MAST4: variants seen among roughly 807,000 people sequenced by gnomAD.
The protein encoded by MAST4 is microtubule associated serine/threonine kinase family member 4.
A neutral mutation model predicts 162.7 loss-of-function variants in MAST4; 89 were observed. That is an observed-to-expected ratio of 0.55 (90% CI 0.46 to 0.65). MAST4 has a LOEUF of 0.65. MAST4 is among the 30% of genes least tolerant of loss of function. MAST4 has a pLI of 0.00. For missense variants in MAST4, 3,153 were observed against 3,374.0 expected (o/e 0.93, Z 1.62); for synonymous variants, 1,479 against 1,361.1 (o/e 1.09, Z -1.91).
chr5:67,032,727 A>T (rs10471697), intron 4 of MAST4, among the ~76,000 whole-genome samples: 39,559 of 152,036 alleles, frequency 0.26, 5,647 homozygotes, highest in African/African-American at 0.35. Context: ...TATTTACCAT[A>T]GACTTTTAGG....
In MAST4 at chr5:67,017,201, C is replaced by A. The variant is rs142586591; in HGVS notation, c.675-37203C>A. Among the ~76,000 whole-genome samples the A allele has an allele frequency of 2.3e-4, 35 of 152,300 alleles. No homozygotes were observed. In the East Asian group the frequency reaches 6.6e-3, roughly 29 times the overall value. On this transcript the variant is annotated intron_variant, in intron 4 of 28. Transcript: ENST00000403625. ...CACACAAAGGACACAAATATTGTGT[C>A]CAGAATTCTCTAAACCACACACACA...
chr5:66,943,223 C>T (rs1449898735), intron 4 of MAST4, among the ~76,000 whole-genome samples: 1 of 152,242 alleles, frequency 6.6e-6, no homozygotes, highest in South Asian at 2.1e-4. Flanking sequence ...GTCTTAATTT[C>T]ATTACCGGTG....
chr5:67,152,278 T>G (rs1268744595), intron 24 of MAST4, among the ~76,000 whole-genome samples: 2 of 152,248 alleles, frequency 1.3e-5, no homozygotes, highest in African/African-American at 4.8e-5. Context: ...GATTTATTTC[T>G]TTACTTAAAA....
chr5:66,596,993 C>T lies in MAST4; in HGVS notation c.338C>T (p.Ala113Val), dbSNP rs756882327. The change falls in exon 1 of 29, where the codon GCG (alanine) becomes GTG (valine). Residue 113 changes from alanine (A) to valine (V), a missense_variant. Coordinates refer to ENST00000403625, the MANE Select transcript of MAST4 (RefSeq NM_001164664.2). ...CCGCCCGCGCCCCGGGGCAGCAGCGCGTCCCAGGAGGAGCAGGACGAGGAG... is the reference window on the plus strand; with the variant it reads ...CCGCCCGCGCCCCGGGGCAGCAGCGTGTCCCAGGAGGAGCAGGACGAGGAG... Reference protein sequence around the residue: ...AVPPAPRGSSASQEEQDEELD... With the variant: ...AVPPAPRGSSVSQEEQDEELD... The T allele has an allele frequency of 7.5e-5, 109 of 1,451,736 alleles. No individual in the cohort carries two copies. Among genetic ancestry groups the T allele is most frequent in the Non-Finnish European group, 9.3e-5 (103 of 1,108,066 alleles). 89.9% of individuals were successfully genotyped at this position (1,451,736 alleles called of 1,614,324 possible).
At chr5:66,803,318 C>T (rs375084584) in intron 3 of MAST4, among the ~76,000 whole-genome samples, 11 of 152,278 alleles carry the variant, frequency 7.2e-5, no homozygotes, top group African/African-American at 2.6e-4. Flanking sequence ...AATAACTAGT[C>T]AAGAAAGTTC....
chr5:67,057,770 A>C (rs934866227), intron 5 of MAST4, among the ~76,000 whole-genome samples: 1 of 152,046 alleles, frequency 6.6e-6, no homozygotes, highest in Non-Finnish European at 1.5e-5. Flanking sequence ...AAAGAAATCA[A>C]AGTATGAAAA....
chr5:67,149,503 G>C lies in MAST4; in HGVS notation c.3209G>C (p.Arg1070Pro). The change falls in exon 24 of 29, where the codon CGA becomes CCA. Residue 1070 changes from arginine (R) to proline (P), a missense_variant. Physicochemically the swap from Arg to Pro is moderately radical, Grantham distance 103. This residue lies in a region of MAST4 where 619 missense variants were observed against 744.2 expected (regional missense o/e 0.83). Transcript: ENST00000403625. ...SEPASHMARQRLESTEKKKIS... is the reference protein window; with the variant it reads ...SEPASHMARQPLESTEKKKIS... The stretch of plus-strand genomic sequence containing the variant: ...CCCGCTTCTCACATGGCTCGGCAGC[G>C]ATTAGAAAGCACAGAAAAAAAGAAA... 3 of 1,613,718 alleles carry C rather than the reference G, an allele frequency of 1.9e-6. No homozygotes were observed. The highest frequency in any genetic ancestry group is 2.5e-6 in the Non-Finnish European group (3 of 1,179,836).
rs577744459 is a variant in MAST4 at position 67,086,647 on chromosome 5, A to G, written c.764-3515A>G. ...ATCCAAGAGCCAGCAAATCCCTGGG[A>G]GCAGCAGGATTTTAGTTATAAGCAA... On this transcript the variant is annotated intron_variant, in intron 5 of 28. Coordinates refer to ENST00000403625, the MANE Select transcript of MAST4 (RefSeq NM_001164664.2). 4.6e-5 allele frequency among the ~76,000 whole-genome samples: 7 copies of G among 152,352 alleles called. No homozygotes were observed. The East Asian group carries it at 1.3e-3, about 29-fold the overall frequency.
intron 1 of MAST4, among the ~76,000 whole-genome samples, chr5:66,603,621 CAAAAA>C (rs1742687838): frequency 6.6e-6 from 1 of 152,152 alleles, no homozygotes. Flanking sequence ...ATAGAACTTT[CAAAAA>C]TACAAGAACT....
intron 1 of MAST4, among the ~76,000 whole-genome samples, chr5:66,614,735 C>T (rs1305462755): frequency 5.3e-5 from 8 of 152,196 alleles, no homozygotes; most frequent in Admixed American, 5.2e-4. Context: ...ACTTCCTACA[C>T]CTCCCAACGT....
rs148974121 is a variant in MAST4, at chr5:66,669,493, A to G, written c.363+72475A>G. Among the ~76,000 whole-genome samples the G allele has an allele frequency of 1.5e-3, 223 of 152,172 alleles. 5 individuals are homozygous for G. In the East Asian group the frequency reaches 0.039, roughly 27 times the overall value. ...AGCAGGTGAGGATCACATACAAAGG[A>G]CTGTAGAGTGTTGCAACCCAGTTGA... is the stretch of plus-strand genomic sequence containing the variant. On this transcript the variant is annotated intron_variant, in intron 1 of 28. Transcript: ENST00000403625.
rs150641117 is a variant in MAST4, at chr5:67,167,625, C to T, written c.*574C>T. On this transcript the variant is annotated 3_prime_UTR_variant, in exon 29 of 29. Transcript: ENST00000403625. The stretch of plus-strand genomic sequence containing the variant: ...TTAAGATGGAAGAAAGCCCTAAACA[C>T]AGTAGATTCTGAGTTTTTATGTGTA... 1.1e-3 allele frequency: 169 copies of T among 152,338 alleles called. 1 individual carries two copies. The highest frequency in any genetic ancestry group is 4.0e-3 in the African/African-American group (168 of 41,580). 9.4% of individuals were successfully genotyped at this position (152,338 alleles called of 1,614,324 possible).
At chr5:66,791,284 A>C (rs948646421) in intron 3 of MAST4, among the ~76,000 whole-genome samples, 1 of 152,236 alleles carries the variant, frequency 6.6e-6, no homozygotes, top group African/African-American at 2.4e-5. Flanking sequence ...TTGGCCTCCC[A>C]AAGTGCTGGG....
At chr5:66,962,411 T>C (rs947999731) in intron 4 of MAST4, among the ~76,000 whole-genome samples, 2 of 152,168 alleles carry the variant, frequency 1.3e-5, no homozygotes, top group Non-Finnish European at 2.9e-5. Context: ...AGACACCATC[T>C]GTAAAAAAGT....
At chr5:66,853,848 A>G (rs1759484522) in intron 3 of MAST4, among the ~76,000 whole-genome samples, 2 of 152,208 alleles carry the variant, frequency 1.3e-5, no homozygotes, top group Non-Finnish European at 2.9e-5. Flanking sequence ...ACCTTTAAGT[A>G]TCTTGCATCA....
intron 4 of MAST4, among the ~76,000 whole-genome samples, chr5:66,923,164 C>T (rs1341787976): frequency 6.6e-6 from 1 of 152,216 alleles, no homozygotes; most frequent in Non-Finnish European, 1.5e-5. Context: ...GCGGATTGCT[C>T]CCCATTGTGG....
intron 1 of MAST4, among the ~76,000 whole-genome samples, chr5:66,708,023 C>T (rs150258033): frequency 5.3e-5 from 8 of 152,260 alleles, no homozygotes; most frequent in African/African-American, 1.7e-4. Context: ...CTGGTCCCCA[C>T]AAGGATGAGG....
intron 3 of MAST4, among the ~76,000 whole-genome samples, chr5:66,886,690 A>G (rs1762061989): frequency 6.7e-6 from 1 of 148,616 alleles, no homozygotes; most frequent in African/African-American, 2.5e-5. Context: ...ATGATCTAGT[A>G]TGCTTTTTAT....
At position 66,782,182 on chromosome 5, in the gene MAST4, G is replaced by C. The variant is rs148509536; in HGVS notation, c.518-6488G>C. On this transcript the variant is annotated intron_variant, in intron 2 of 28. Coordinates refer to ENST00000403625, the MANE Select transcript of MAST4 (RefSeq NM_001164664.2). ...TGGGCGCCTGTAATCCCAGCTACTC[G>C]GGAGGCTGAGGCAGGAAAATCGCTT... is the stretch of plus-strand genomic sequence containing the variant. 3.6e-4 allele frequency among the ~76,000 whole-genome samples: 54 copies of C among 152,002 alleles called. No individual in the cohort carries two copies. In the East Asian group the frequency reaches 0.01, roughly 28 times the overall value.
Sources: gnomAD v4.1 joint callset for allele counts (sites outside exome capture counted in the v4.1 genomes callset) on GRCh38, gnomAD v4.1.1 for gene constraint, gnomAD v4.1.1 regional missense constraint, MANE v1.5 for transcripts, NCBI Gene and HGNC (gene_info 2026-07-23, HGNC 2026-07-21) for gene names.